Variants in LRRC63 observed in about 807,000 individuals in gnomAD.
LRRC63 encodes leucine rich repeat containing 63.
Under a neutral mutation model 49.5 loss-of-function variants are expected in LRRC63, and 40 were observed. The observed-to-expected ratio is 0.81, with a 90% CI of 0.63 to 1.05. The LOEUF is 1.05. LRRC63 is among the 50% of genes least tolerant of loss of function. The pLI, the probability that LRRC63 is intolerant of heterozygous loss-of-function variation, is 0.00. For missense variants in LRRC63, 636 were observed against 663.1 expected, an observed-to-expected ratio of 0.96 and a Z score of 0.45; for synonymous variants, 191 against 221.1, an observed-to-expected ratio of 0.86 and a Z score of 1.21.
chr13:46,267,167 G>C (rs1445461765), intron 9 of LRRC63, among the ~76,000 whole-genome samples, 195 bp downstream of exon 9: 2 of 152,192 alleles, frequency 1.3e-5, no homozygotes, highest in Non-Finnish European at 2.9e-5. Flanking sequence ...CGGCCCCCTT[G>C]TGTGATATTC....
At chr13:46,246,304 G>A (rs1284992697) in intron 5 of LRRC63, among the ~76,000 whole-genome samples, 1 of 152,072 alleles carries the variant, frequency 6.6e-6, no homozygotes, top group Non-Finnish European at 1.5e-5. Flanking sequence ...TGTGAGAACA[G>A]CCTAATACAC....
intron 9 of LRRC63, chr13:46,270,390 A>G (rs1223017946): frequency 1.2e-6 from 1 of 845,390 alleles, no homozygotes; most frequent in South Asian, 1.3e-5. Flanking sequence ...TACTGCTCAG[A>G]TGGCGAAGAA....
chr13:46,224,271 T>G (rs1269377793), intron 2 of LRRC63, among the ~76,000 whole-genome samples: 1 of 152,196 alleles, frequency 6.6e-6, no homozygotes, highest in East Asian at 1.9e-4. Flanking sequence ...TCTTTATTTT[T>G]GTCTGACTGG....
intron 8 of LRRC63, among the ~76,000 whole-genome samples, chr13:46,264,116 T>A (rs1327866465): frequency 6.6e-6 from 1 of 152,200 alleles, no homozygotes; most frequent in Non-Finnish European, 1.5e-5. Context: ...AGTTTGATTC[T>A]TTTTTCTTCC....
exon 10 of LRRC63, chr13:46,276,826 G>A (rs1005351373): frequency 7.9e-5 from 13 of 165,320 alleles, no homozygotes; most frequent in East Asian, 1.4e-4. Context: ...TCGTATGTGT[G>A]TGTATATATA....
chr13:46,235,629 G>C (rs141526420), intron 5 of LRRC63, among the ~76,000 whole-genome samples: 7 of 152,198 alleles, frequency 4.6e-5, no homozygotes, highest in African/African-American at 1.4e-4. Context: ...AAAAAAAAAT[G>C]CTTGTTCACA....
intron 9 of LRRC63, among the ~76,000 whole-genome samples, chr13:46,271,520 A>G (rs963687883): frequency 6.6e-6 from 1 of 152,192 alleles, no homozygotes; most frequent in Non-Finnish European, 1.5e-5. Flanking sequence ...TAAATGAGGG[A>G]TATGTGAAAA....
intron 2 of LRRC63, among the ~76,000 whole-genome samples, chr13:46,223,475 G>GTTTTTTTTTTTTTTTT (rs147982198): frequency 7.8e-6 from 1 of 127,888 alleles, no homozygotes. Context: ...TTGGCTGACA[G>GTTTTTTTTTTTTTTTT]TTTTTTTTGT....
At chr13:46,221,789 A>G (rs899571426) in intron 2 of LRRC63, among the ~76,000 whole-genome samples, 1 of 152,134 alleles carries the variant, frequency 6.6e-6, no homozygotes, top group African/African-American at 2.4e-5. Context: ...AGAAGGGGAC[A>G]TTGGTGTGAA....
chr13:46,268,805 G>A (rs2047716097), intron 9 of LRRC63, among the ~76,000 whole-genome samples: 1 of 151,700 alleles, frequency 6.6e-6, no homozygotes. Context: ...AAAATATGTA[G>A]GTAAACAAAC....
At chr13:46,270,974 T>C (rs1173609553) in intron 9 of LRRC63, among the ~76,000 whole-genome samples, 1 of 152,220 alleles carries the variant, frequency 6.6e-6, no homozygotes, top group Non-Finnish European at 1.5e-5. Context: ...GTAAAAATAA[T>C]TTACGCATTA....
At chr13:46,268,969 GC>G (rs1566514064) in intron 9 of LRRC63, among the ~76,000 whole-genome samples, 3 of 135,176 alleles carry the variant, frequency 2.2e-5, no homozygotes, top group African/African-American at 8.2e-5. Context: ...TGAAAAATGT[GC>G]AAAACATTTA....
At chr13:46,275,369 T>G (rs1301689605) in intron 9 of LRRC63, among the ~76,000 whole-genome samples, 1 of 152,202 alleles carries the variant, frequency 6.6e-6, no homozygotes, top group Non-Finnish European at 1.5e-5. Flanking sequence ...ATGATAGCCT[T>G]ATTTTTAGTT....
chr13:46,230,944 T>C (rs1437998925), intron 4 of LRRC63, among the ~76,000 whole-genome samples: 2 of 152,238 alleles, frequency 1.3e-5, no homozygotes, highest in Admixed American at 1.3e-4. Flanking sequence ...AAGTTCAGAC[T>C]TCCACAGATC....
At chr13:46,260,047 G>A (rs1263452989) in intron 7 of LRRC63, among the ~76,000 whole-genome samples, 3 of 152,180 alleles carry the variant, frequency 2.0e-5, no homozygotes, top group Admixed American at 6.5e-5. Context: ...CAAACAGGCT[G>A]TCTGAACAGA....
At chr13:46,256,680 A>C (rs2047516594) in intron 7 of LRRC63, among the ~76,000 whole-genome samples, 2 of 152,172 alleles carry the variant, frequency 1.3e-5, no homozygotes, top group African/African-American at 4.8e-5. Context: ...AAATGGAGAA[A>C]AGTTGTGCTT....
At chr13:46,235,466 T>C (rs555839079) in intron 5 of LRRC63, among the ~76,000 whole-genome samples, 1 of 152,180 alleles carries the variant, frequency 6.6e-6, no homozygotes, top group Admixed American at 6.5e-5. Context: ...AAGATTTCAA[T>C]AGTAGATGTG....
intron 2 of LRRC63, among the ~76,000 whole-genome samples, chr13:46,220,821 C>T (rs1427725772): frequency 6.6e-6 from 1 of 152,104 alleles, no homozygotes; most frequent in East Asian, 1.9e-4. Flanking sequence ...TGCACCATTC[C>T]TCACGGCACA....
At chr13:46,236,536 A>G (rs1241792221) in intron 5 of LRRC63, among the ~76,000 whole-genome samples, 1 of 152,154 alleles carries the variant, frequency 6.6e-6, no homozygotes, top group Non-Finnish European at 1.5e-5. Context: ...TAGTGCTGAA[A>G]GAAAAGCAAT....
Sources: gnomAD v4.1 joint callset for allele counts (sites outside exome capture counted in the v4.1 genomes callset) on GRCh38, gnomAD v4.1.1 for gene constraint, MANE v1.5 for transcripts, NCBI Gene and HGNC (gene_info 2026-07-23, HGNC 2026-07-21) for gene names.